The following EGFR variants were observed in gnomAD, a reference collection of about 807,000 sequenced individuals.
EGFR encodes the protein epidermal growth factor receptor, also known as avian erythroblastic leukemia viral (v-erb-b) oncogene homolog.
Under a neutral mutation model 143.0 loss-of-function variants are expected in EGFR, and 58 were observed. That is an observed-to-expected ratio of 0.41 (90% CI 0.33 to 0.50). The LOEUF is 0.50. Among genes scored for constraint, EGFR ranks in the 20% least tolerant of loss-of-function variants. The pLI is 0.39. For synonymous variants in EGFR, 613 were observed against 594.4 expected (o/e 1.03, Z -0.45); for missense variants, 1,307 against 1,579.0 (o/e 0.83, Z 2.92).
intron 1 of EGFR, among the ~76,000 whole-genome samples, chr7:55,088,378 G>A (rs11238349): frequency 0.27 from 40,647 of 152,140 alleles, 7,539 homozygotes; most frequent in East Asian, 0.87. Flanking sequence ...AAAGAGCGTG[G>A]TGCGTCCAGT....
chr7:55,120,676 A>G (rs901711053), intron 1 of EGFR, among the ~76,000 whole-genome samples: 2 of 152,186 alleles, frequency 1.3e-5, no homozygotes, highest in African/African-American at 4.8e-5. Context: ...TCCGGGGCTC[A>G]GTGAGCACTT....
chr7:55,192,948 A>T (rs1787466349), intron 22 of EGFR, 107 bp downstream of exon 22: 1 of 973,516 alleles, frequency 1.0e-6, no homozygotes, highest in Non-Finnish European at 1.6e-6. Context: ...TTCTTTCGAG[A>T]TAATGACTAA....
At chr7:55,022,645 C>T (rs1444737021) in intron 1 of EGFR, among the ~76,000 whole-genome samples, 2 of 152,166 alleles carry the variant, frequency 1.3e-5, no homozygotes, top group African/African-American at 4.8e-5. Flanking sequence ...CTCTTGCTTC[C>T]AGATTGCTTT....
intron 13 of EGFR, 52 bp downstream of exon 13, chr7:55,161,683 GGTT>G (rs755547921): frequency 3.4e-5 from 55 of 1,613,718 alleles, no homozygotes; most frequent in East Asian, 2.2e-5. Flanking sequence ...TAAGGCTCCA[GGTT>G]GTTGTTATAG....
intron 1 of EGFR, among the ~76,000 whole-genome samples, chr7:55,138,508 T>G (rs1794284215): frequency 6.6e-6 from 1 of 152,226 alleles, no homozygotes; most frequent in Admixed American, 6.5e-5. Context: ...TGATAAATAT[T>G]CTATAAAGTA....
chr7:55,109,971 A>C (rs1584061058), intron 1 of EGFR: 1 of 984,584 alleles, frequency 1.0e-6, no homozygotes, highest in Non-Finnish European at 1.2e-6. Context: ...AAGAAAGTAC[A>C]TGAGGAGGCA....
intron 2 of EGFR, 35 bp downstream of exon 2, chr7:55,142,472 T>G (rs1197950022): frequency 2.5e-6 from 4 of 1,611,736 alleles, no homozygotes; most frequent in Non-Finnish European, 3.4e-6. Flanking sequence ...CAAATAAAAT[T>G]GGAGAAAATC....
At position 55,124,872 on chromosome 7, in the gene EGFR, A is replaced by G. The variant is rs529407148; in HGVS notation, c.89-17414A>G. 3.9e-5 allele frequency among the ~76,000 whole-genome samples: 6 copies of G among 152,192 alleles called. No individual in the cohort carries two copies. The East Asian group carries it at 7.7e-4, about 20-fold the overall frequency. ...CAGCTACTTGATGCCACTCTCTTCT[A>G]TCTTTCTGTAGCTAAGCCATCCCCA... is the stretch of plus-strand genomic sequence containing the variant. On this transcript the variant is annotated intron_variant, in intron 1 of 27. Coordinates refer to ENST00000275493, the MANE Select transcript of EGFR (RefSeq NM_005228.5).
rs1437938719 is a variant in EGFR at position 55,171,165 on chromosome 7, C to T, written c.1881-10C>T. The T allele has an allele frequency of 6.2e-7, 1 of 1,614,168 alleles. No individual in the cohort carries two copies. The highest frequency in any genetic ancestry group is 1.1e-5 in the South Asian group (1 of 91,082). On this transcript the variant is annotated splice_polypyrimidine_tract_variant and intron_variant, in intron 15 of 27. Transcript: ENST00000275493. ...GAGAAAAATGTATATTTCTCTTTCA[C>T]TTCCTACAGATGCACTGGGCCAGGT...
At chr7:55,157,777 T>A in intron 11 of EGFR, 24 bp downstream of exon 11, 1 of 1,612,126 alleles carries the variant, frequency 6.2e-7, no homozygotes. Flanking sequence ...AGCCAAAGCC[T>A]GGTAGATTAC....
At chr7:55,137,358 T>C (rs1794202106) in intron 1 of EGFR, among the ~76,000 whole-genome samples, 1 of 152,154 alleles carries the variant, frequency 6.6e-6, no homozygotes, top group Non-Finnish European at 1.5e-5. Context: ...AGTGTCTAAG[T>C]GGATTTGGGC....
At chr7:55,162,606 C>T (rs1785764709) in intron 13 of EGFR, among the ~76,000 whole-genome samples, 1 of 152,180 alleles carries the variant, frequency 6.6e-6, no homozygotes, top group South Asian at 2.1e-4. Flanking sequence ...AAAACGCCCA[C>T]GTGGGGAGCC....
At chr7:55,101,687 T>A (rs1179140188) in intron 1 of EGFR, among the ~76,000 whole-genome samples, 2 of 152,192 alleles carry the variant, frequency 1.3e-5, no homozygotes, top group African/African-American at 4.8e-5. Flanking sequence ...CATTTAGGAG[T>A]AACAAGTCTG....
intron 1 of EGFR, among the ~76,000 whole-genome samples, chr7:55,057,633 A>G (rs1583929640): frequency 6.6e-6 from 1 of 152,246 alleles, no homozygotes; most frequent in Non-Finnish European, 1.5e-5. Flanking sequence ...ATGCAGTTTT[A>G]CCAGCCTCTT....
chr7:55,134,599 T>C (rs1163779040), intron 1 of EGFR, among the ~76,000 whole-genome samples: 1 of 152,264 alleles, frequency 6.6e-6, no homozygotes, highest in Non-Finnish European at 1.5e-5. Context: ...CAACGGGTAT[T>C]GCTTTCTGAA....
intron 1 of EGFR, 70 bp from the exon 2 acceptor site, chr7:55,142,216 G>A: frequency 6.3e-7 from 1 of 1,586,494 alleles, no homozygotes; most frequent in Non-Finnish European, 8.6e-7. Flanking sequence ...CCTGGACCTT[G>A]AGGGATTGTT....
At chr7:55,115,298 G>A (rs1792767165) in intron 1 of EGFR, among the ~76,000 whole-genome samples, 2 of 152,112 alleles carry the variant, frequency 1.3e-5, no homozygotes, top group South Asian at 4.1e-4. Flanking sequence ...AGTGAGACAG[G>A]CATGATCTCT....
chr7:55,168,539 A>G, intron 15 of EGFR: 5 of 1,604,278 alleles, frequency 3.1e-6, no homozygotes, highest in Non-Finnish European at 3.4e-6. Context: ...ATAAATCTTC[A>G]CTGTCTGACT....
At chr7:55,166,494 G>A (rs1202734619) in intron 15 of EGFR, among the ~76,000 whole-genome samples, 2 of 152,236 alleles carry the variant, frequency 1.3e-5, no homozygotes, top group Non-Finnish European at 2.9e-5. Context: ...CATGAGTTAA[G>A]ATATGTCATA....
Sources: allele counts gnomAD v4.1 joint callset (sites outside exome capture counted in the v4.1 genomes callset), GRCh38; gene constraint gnomAD v4.1.1; transcripts MANE v1.5; gene names NCBI Gene and HGNC (gene_info 2026-07-23, HGNC 2026-07-21).